CNTNAP2: variants seen among roughly 807,000 people sequenced by gnomAD.
The protein encoded by CNTNAP2 is contactin-associated protein-like 2.
CNTNAP2 carries 98 observed loss-of-function variants against 155.2 expected under a neutral mutation model. The observed-to-expected ratio is 0.63, with a 90% CI of 0.54 to 0.75. CNTNAP2 has a LOEUF of 0.75. Among genes scored for constraint, CNTNAP2 ranks in the 30% least tolerant of loss-of-function variants. CNTNAP2 has a pLI of 0.00. For synonymous variants in CNTNAP2, 651 were observed against 631.2 expected (o/e 1.03, Z -0.47); for missense variants, 1,727 against 1,688.1 (o/e 1.02, Z -0.40).
intron 3 of CNTNAP2, among the ~76,000 whole-genome samples, chr7:146,844,163 A>G (rs10235459): frequency 0.037 from 5,639 of 152,208 alleles, 349 homozygotes; most frequent in African/African-American, 0.13. Flanking sequence ...ATATATAAGC[A>G]AATTATGACA....
intron 9 of CNTNAP2, among the ~76,000 whole-genome samples, chr7:147,377,136 T>TC (rs35904580): frequency 0.16 from 24,642 of 149,780 alleles, 2,332 homozygotes; most frequent in East Asian, 0.35. Context: ...TTCCTTCTTC[T>TC]CCCCCCCCTT....
chr7:146,420,059 G>A (rs1795989940), intron 1 of CNTNAP2, among the ~76,000 whole-genome samples: 1 of 152,120 alleles, frequency 6.6e-6, no homozygotes, highest in South Asian at 2.1e-4. Flanking sequence ...TCTAGGAAGA[G>A]AAGAAACGGA....
intron 14 of CNTNAP2, among the ~76,000 whole-genome samples, chr7:147,968,415 A>G (rs1801263583): frequency 6.6e-6 from 1 of 152,260 alleles, no homozygotes; most frequent in Non-Finnish European, 1.5e-5. Context: ...AATCACTCTC[A>G]TTGCTTCCTA....
intron 10 of CNTNAP2, among the ~76,000 whole-genome samples, chr7:147,426,326 AGT>A (rs1482757446): frequency 6.6e-6 from 1 of 152,076 alleles, no homozygotes; most frequent in Non-Finnish European, 1.5e-5. Flanking sequence ...AGACCAACTA[AGT>A]GCTTCTTTGG....
chr7:147,283,786 A>G lies in CNTNAP2; in HGVS notation c.1349-16355A>G, dbSNP rs564374646. Among the ~76,000 whole-genome samples, 32 of 151,954 alleles carry G rather than the reference A, an allele frequency of 2.1e-4. No individual in the cohort carries two copies. In the East Asian group the frequency reaches 5.0e-3, roughly 24 times the overall value. ...ATTTCCCAGTACTTTCTGGGACTCT[A>G]CAACTTGGCGTTAAATCACAGAAGT... is the stretch of plus-strand genomic sequence containing the variant. On this transcript the variant is annotated intron_variant, in intron 8 of 23. Transcript: ENST00000361727.
intron 1 of CNTNAP2, among the ~76,000 whole-genome samples, chr7:146,251,846 A>T (rs937655747): frequency 5.9e-5 from 9 of 152,222 alleles, no homozygotes; most frequent in Admixed American, 5.2e-4. Context: ...TATTATAGAA[A>T]AGCCATTGGA....
chr7:146,355,930 G>T (rs1296918704), intron 1 of CNTNAP2, among the ~76,000 whole-genome samples: 3 of 151,920 alleles, frequency 2.0e-5, no homozygotes, highest in Non-Finnish European at 2.9e-5. Flanking sequence ...GTGATAAGGG[G>T]TATGCATATT....
chr7:147,784,219 CA>C, intron 13 of CNTNAP2, among the ~76,000 whole-genome samples: 1 of 151,618 alleles, frequency 6.6e-6, no homozygotes, highest in East Asian at 2.0e-4. Flanking sequence ...GATTTCCAAA[CA>C]AGGTCATATT....
intron 3 of CNTNAP2, among the ~76,000 whole-genome samples, chr7:146,905,461 C>G (rs781121719): frequency 6.6e-6 from 1 of 152,104 alleles, no homozygotes; most frequent in Admixed American, 6.5e-5. Flanking sequence ...CATCCTCTTA[C>G]GAGTTGGTTC....
intron 21 of CNTNAP2, among the ~76,000 whole-genome samples, chr7:148,309,816 G>C (rs1420973443): frequency 6.6e-6 from 1 of 152,204 alleles, no homozygotes; most frequent in Non-Finnish European, 1.5e-5. Flanking sequence ...CTTGGGCTCA[G>C]AGGCCTGACA....
intron 1 of CNTNAP2, among the ~76,000 whole-genome samples, chr7:146,181,492 T>C (rs1317060194): frequency 6.6e-6 from 1 of 152,124 alleles, no homozygotes; most frequent in Non-Finnish European, 1.5e-5. Context: ...TCTAAATCAA[T>C]GCGGTTTTAC....
intron 12 of CNTNAP2, among the ~76,000 whole-genome samples, chr7:147,590,057 AAT>A (rs1014388762): frequency 4.6e-5 from 7 of 152,154 alleles, no homozygotes; most frequent in African/African-American, 1.7e-4. Context: ...GTAACACATA[AAT>A]GAGTTTCATA....
At chr7:147,692,815 A>G (rs1338337288) in intron 13 of CNTNAP2, among the ~76,000 whole-genome samples, 2 of 152,090 alleles carry the variant, frequency 1.3e-5, no homozygotes, top group East Asian at 3.9e-4. Context: ...TTCTCTTGAC[A>G]TGCTCCTTCA....
At chr7:146,476,679 T>G (rs891848426) in intron 1 of CNTNAP2, among the ~76,000 whole-genome samples, 1 of 152,154 alleles carries the variant, frequency 6.6e-6, no homozygotes, top group Non-Finnish European at 1.5e-5. Context: ...TTGGTTAAGA[T>G]TAAATTGATT....
At chr7:147,019,836 T>C (rs1018738389) in intron 3 of CNTNAP2, among the ~76,000 whole-genome samples, 2 of 152,006 alleles carry the variant, frequency 1.3e-5, no homozygotes, top group Non-Finnish European at 2.9e-5. Flanking sequence ...CTAATCAAAA[T>C]TGGGGTATAA....
At chr7:147,599,360 G>A (rs1800896203) in intron 12 of CNTNAP2, among the ~76,000 whole-genome samples, 3 of 151,828 alleles carry the variant, frequency 2.0e-5, no homozygotes, top group Admixed American at 6.6e-5. Flanking sequence ...CCGGCATGGT[G>A]TAATCCCAGC....
intron 3 of CNTNAP2, among the ~76,000 whole-genome samples, chr7:147,005,520 C>T (rs1798509248): frequency 6.6e-6 from 1 of 151,842 alleles, no homozygotes; most frequent in Admixed American, 6.6e-5. Context: ...GGGAGATACC[C>T]AGAAAAATGA....
chr7:147,052,401 C>T (rs1036789577), intron 4 of CNTNAP2, among the ~76,000 whole-genome samples: 22 of 151,982 alleles, frequency 1.4e-4, no homozygotes, highest in South Asian at 6.2e-4. Context: ...ATGATACAGG[C>T]GTAATTTATT....
At chr7:146,911,958 A>T (rs537959833) in intron 3 of CNTNAP2, among the ~76,000 whole-genome samples, 1 of 152,262 alleles carries the variant, frequency 6.6e-6, no homozygotes, top group East Asian at 1.9e-4. Context: ...TGGTATAATG[A>T]TTTCTTTCCT....
Sources: gnomAD v4.1 joint callset for allele counts (sites outside exome capture counted in the v4.1 genomes callset) on GRCh38, gnomAD v4.1.1 for gene constraint, MANE v1.5 for transcripts, NCBI Gene and HGNC (gene_info 2026-07-23, HGNC 2026-07-21) for gene names.